Variants in PCDHGB1 observed in about 807,000 individuals in gnomAD.
PCDHGB1 encodes the protein protocadherin gamma subfamily B, 1, also known as protocadherin gamma-B1.
PCDHGB1 carries 34 observed loss-of-function variants against 56.6 expected under a neutral mutation model. The observed-to-expected ratio is 0.60, with a 90% CI of 0.46 to 0.80. The LOEUF (loss-of-function observed/expected upper bound fraction) is 0.80. Among genes scored for constraint, PCDHGB1 ranks in the 30% least tolerant of loss-of-function variants. The pLI is 0.00. For synonymous variants in PCDHGB1, 561 were observed against 505.9 expected (o/e 1.11, Z -1.46); for missense variants, 1,278 against 1,204.6 (o/e 1.06, Z -0.90).
intron 1 of PCDHGB1, chr5:141,392,725 A>G: frequency 7.1e-7 from 1 of 1,399,540 alleles, no homozygotes; most frequent in South Asian, 1.6e-5. Flanking sequence ...TTTCCGGAGG[A>G]TTGTCATCTC....
intron 1 of PCDHGB1, among the ~76,000 whole-genome samples, chr5:141,447,244 A>T (rs1475037979): frequency 6.6e-6 from 1 of 152,062 alleles, no homozygotes; most frequent in Non-Finnish European, 1.5e-5. Flanking sequence ...GGTTCAAGTG[A>T]TTCTTCTGTC....
At chr5:141,445,207 AAAGT>A (rs1322618652) in intron 1 of PCDHGB1, among the ~76,000 whole-genome samples, 1 of 152,196 alleles carries the variant, frequency 6.6e-6, no homozygotes, top group Non-Finnish European at 1.5e-5. Flanking sequence ...ATGCTTTTGA[AAAGT>A]AAGAGGTGCA....
chr5:141,392,775 A>C (rs777775450), intron 1 of PCDHGB1: 1 of 1,524,280 alleles, frequency 6.6e-7, no homozygotes, highest in South Asian at 1.3e-5. Context: ...CCATTTATGC[A>C]CAGTGAAGAT....
chr5:141,403,201 C>T (rs1486888915), intron 1 of PCDHGB1: 2 of 1,614,002 alleles, frequency 1.2e-6, no homozygotes, highest in South Asian at 1.1e-5. Context: ...GCAGCGGCAC[C>T]TTGGTCACCG....
intron 1 of PCDHGB1, chr5:141,394,604 C>G: frequency 6.2e-7 from 1 of 1,613,590 alleles, no homozygotes. Context: ...TGGACAGAGA[C>G]TCGGGCCAGA....
Position 141,414,298 on chromosome 5 carries a change from G to A in PCDHGB1, c.2409+61629G>A, listed in dbSNP as rs200349573. ...GGGAACAGTCGTAGCCCTTTTAAAT[G>A]TGCATGATTTAGACTCTGAGCAGAA... On this transcript the variant is annotated intron_variant, in intron 1 of 3. Transcript: ENST00000523390. The A allele has an allele frequency of 1.9e-5, 30 of 1,613,626 alleles. No homozygotes were observed. In the East Asian group the frequency reaches 6.7e-4, roughly 36 times the overall value.
intron 1 of PCDHGB1, chr5:141,414,361 T>G: frequency 6.2e-7 from 1 of 1,613,876 alleles, no homozygotes; most frequent in Non-Finnish European, 8.5e-7. Context: ...GTATCTACCA[T>G]TTAAATTAGA....
At position 141,394,517 on chromosome 5, in the gene PCDHGB1, C is replaced by T. The variant is rs1226195225; in HGVS notation, c.2409+41848C>T. On this transcript the variant is annotated intron_variant, in intron 1 of 3. Transcript: ENST00000523390. ...CCGAGATCCTGTACCCCGCCCTCCC[C>T]ACAGACGGTTCCACTGGCGTGGAGC... 5 of 1,614,116 alleles carry T rather than the reference C, an allele frequency of 3.1e-6. No individual in the cohort carries two copies. The Admixed American group carries it at 5.0e-5, about 16-fold the overall frequency.
intron 1 of PCDHGB1, chr5:141,394,309 C>T (rs2092971552): frequency 6.2e-7 from 1 of 1,613,992 alleles, no homozygotes; most frequent in Non-Finnish European, 8.5e-7. Flanking sequence ...CTGCAGGGGG[C>T]GCCCCTGTCC....
intron 1 of PCDHGB1, among the ~76,000 whole-genome samples, chr5:141,483,709 G>A (rs1486825412): frequency 1.3e-5 from 2 of 152,036 alleles, no homozygotes; most frequent in Non-Finnish European, 2.9e-5. Flanking sequence ...TTTGACACCA[G>A]AATATTGGTT....
rs754792200 is a variant in PCDHGB1, at chr5:141,352,437, G to C, written c.2177G>C (p.Gly726Ala). The C allele has an allele frequency of 6.2e-7, 1 of 1,614,034 alleles. No individual in the cohort carries two copies. The highest frequency in any genetic ancestry group is 8.5e-7 in the Non-Finnish European group (1 of 1,179,908). The change falls in exon 1 of 4, where the codon GGT becomes GCT. Residue 726 changes from glycine (G) to alanine (A), a missense_variant. Transcript: ENST00000523390. ...GACACTGAGGGCTGCTTTCAAACCG[G>C]TCTCTGCTCCAAGTCTGGGCCCGGG... Reference protein sequence around the residue: ...SLDTEGCFQTGLCSKSGPGVP... With the variant: ...SLDTEGCFQTALCSKSGPGVP...
At position 141,360,504 on chromosome 5, in the gene PCDHGB1, G is replaced by T. The variant is rs778091119; in HGVS notation, c.2409+7835G>T. 5 of 1,613,814 alleles carry T rather than the reference G, an allele frequency of 3.1e-6. No homozygotes were observed. The African/African-American group carries it at 4.0e-5, about 13-fold the overall frequency. On this transcript the variant is annotated intron_variant, in intron 1 of 3. Transcript: ENST00000523390. The stretch of plus-strand genomic sequence containing the variant: ...ATATTTTCTACATAGCAGTAATTGT[G>T]CAGGATATAAATGATAATACCCCGC...
In PCDHGB1 at chr5:141,403,718, C is replaced by T. The variant is rs77227638; in HGVS notation, c.2409+51049C>T. 9.8e-3 allele frequency: 15,884 copies of T among 1,613,838 alleles called. 137 individuals carry two copies. The highest frequency in any genetic ancestry group is 0.011 in the Non-Finnish European group (12,686 of 1,179,868). ...CCGAGTTAAAGTCCTTGAGAACGTG[C>T]CCCCAGGCACCTGGCTGCTTACTGC... On this transcript the variant is annotated intron_variant, in intron 1 of 3. Coordinates refer to ENST00000523390, the MANE Select transcript of PCDHGB1 (RefSeq NM_018922.3).
At chr5:141,362,751 C>T (rs1293273265) in intron 1 of PCDHGB1, 5 of 673,946 alleles carry the variant, frequency 7.4e-6, no homozygotes, top group African/African-American at 1.8e-5. Context: ...TGATTGCAAA[C>T]CTTTATCACA....
intron 1 of PCDHGB1, chr5:141,417,913 T>A (rs749352432): frequency 1.2e-6 from 2 of 1,601,944 alleles, no homozygotes; most frequent in African/African-American, 1.3e-5. Flanking sequence ...AGGTACTATT[T>A]CCTTTGCTGC....
At chr5:141,474,041 GC>G (rs1242668125) in intron 1 of PCDHGB1, among the ~76,000 whole-genome samples, 3 of 152,140 alleles carry the variant, frequency 2.0e-5, no homozygotes. Context: ...CTGTACTCCA[GC>G]CTGGATGACA....
Position 141,431,451 on chromosome 5 carries a change from T to C in PCDHGB1, c.2410-63356T>C. On this transcript the variant is annotated intron_variant, in intron 1 of 3. Transcript: ENST00000523390. The surrounding 1 kb of genome is among the most constrained non-coding windows in gnomAD (Gnocchi z 4.8). ...ACAGGCACCGCGCGCATCCGCGTGA[T>C]GGTTCTGGATGCGAACGACAACGCA... The C allele has an allele frequency of 6.2e-7, 1 of 1,613,762 alleles. No individual in the cohort carries two copies. Among genetic ancestry groups the C allele is most frequent in the African/African-American group, 1.3e-5 (1 of 75,072 alleles).
intron 1 of PCDHGB1, chr5:141,374,947 C>T (rs768274787): frequency 6.2e-7 from 1 of 1,614,018 alleles, no homozygotes; most frequent in East Asian, 2.2e-5. Context: ...CAGAAAAGAT[C>T]TCACAAATTT....
rs762408704 is a variant in PCDHGB1 at position 141,486,335 on chromosome 5, C to G, written c.2410-8472C>G. 6.2e-7 allele frequency: 1 copy of G among 1,613,936 alleles called. No individual in the cohort carries two copies. The highest frequency in any genetic ancestry group is 8.5e-7 in the Non-Finnish European group (1 of 1,180,002). ...AGGGTCAAACGGAGATGTGAGCCTC[C>G]GCATTCCTGACCACTTGCCATTTGC... On this transcript the variant is annotated intron_variant, in intron 1 of 3. Transcript: ENST00000523390. This position sits in a 1 kb window ranked among gnomAD's most constrained non-coding sequence, Gnocchi z 5.0.
Sources: gnomAD v4.1 joint callset for allele counts (sites outside exome capture counted in the v4.1 genomes callset) on GRCh38, gnomAD v4.1.1 for gene constraint, Gnocchi (gnomAD v3.1) non-coding constraint, MANE v1.5 for transcripts, NCBI Gene and HGNC (gene_info 2026-07-23, HGNC 2026-07-21) for gene names.